Variants in KHDC1 observed in about 807,000 individuals in gnomAD.
KHDC1 encodes KH domain containing 1, also known as KH homology domain-containing protein 1.
A neutral mutation model predicts 24.7 loss-of-function variants in KHDC1; 21 were observed. The ratio of observed to expected loss-of-function variants is 0.85; its 90% CI spans 0.60 to 1.23. KHDC1 has a LOEUF of 1.23. Among genes scored for constraint, KHDC1 ranks in the 50% most tolerant of loss-of-function variants. The pLI is 0.00. For missense variants in KHDC1, 274 were observed against 298.5 expected, an observed-to-expected ratio of 0.92 and a Z score of 0.61; for synonymous variants, 98 against 111.7, an observed-to-expected ratio of 0.88 and a Z score of 0.77.
intron 1 of KHDC1, among the ~76,000 whole-genome samples, chr6:73,296,843 TCA>T (rs1767768198): frequency 6.6e-6 from 1 of 152,140 alleles, no homozygotes; most frequent in Non-Finnish European, 1.5e-5. Context: ...TCAACCTCTC[TCA>T]GTTAATTATA....
intron 2 of KHDC1, among the ~76,000 whole-genome samples, chr6:73,282,635 C>T (rs1283686748): frequency 6.6e-6 from 1 of 152,198 alleles, no homozygotes; most frequent in Admixed American, 6.6e-5. Context: ...CCTCCCTAAA[C>T]TGCTCTTAAG....
intron 1 of KHDC1, among the ~76,000 whole-genome samples, chr6:73,297,782 C>T (rs951504859): frequency 5.9e-5 from 9 of 152,116 alleles, no homozygotes; most frequent in African/African-American, 2.2e-4. Flanking sequence ...GCCAGAATTC[C>T]TACAGCAGAA....
chr6:73,297,981 G>A (rs10455274), intron 1 of KHDC1, among the ~76,000 whole-genome samples: 35,638 of 151,830 alleles, frequency 0.23, 4,888 homozygotes, highest in African/African-American at 0.37. Context: ...ACATGACTCC[G>A]GGAGTTTGAG....
At chr6:73,252,014 G>A (rs541244392) in intron 2 of KHDC1, among the ~76,000 whole-genome samples, 3 of 150,674 alleles carry the variant, frequency 2.0e-5, no homozygotes, top group African/African-American at 7.3e-5. Flanking sequence ...TGAGCCACAG[G>A]GCCCAGGCCT....
intron 2 of KHDC1, among the ~76,000 whole-genome samples, chr6:73,255,904 C>CAAAA (rs1205326198): frequency 1.6e-4 from 8 of 49,388 alleles, no homozygotes; most frequent in African/African-American, 2.1e-4. Context: ...CCTGTCTCAA[C>CAAAA]AAAAAAAAAA....
intron 2 of KHDC1, among the ~76,000 whole-genome samples, chr6:73,276,695 A>G (rs917019901): frequency 2.0e-5 from 3 of 152,082 alleles, no homozygotes; most frequent in Non-Finnish European, 2.9e-5. Flanking sequence ...ACTGTGATCC[A>G]CACCTCAGTG....
chr6:73,250,231 T>C (rs987589449), intron 2 of KHDC1, among the ~76,000 whole-genome samples: 1 of 152,188 alleles, frequency 6.6e-6, no homozygotes, highest in African/African-American at 2.4e-5. Context: ...GGACACTAAC[T>C]CCTAACATCA....
intron 2 of KHDC1, among the ~76,000 whole-genome samples, chr6:73,281,856 A>G (rs62438240): frequency 0.091 from 13,838 of 152,034 alleles, 669 homozygotes; most frequent in Non-Finnish European, 0.1. Flanking sequence ...GCTGTGGTAG[A>G]TTCTCAGACT....
intron 2 of KHDC1, among the ~76,000 whole-genome samples, chr6:73,261,805 G>A (rs1000687046): frequency 6.6e-6 from 1 of 151,858 alleles, no homozygotes; most frequent in African/African-American, 2.4e-5. Context: ...CCAGCTACTC[G>A]GGAGGCTGAG....
chr6:73,283,965 C>CA (rs1469459305), intron 2 of KHDC1, among the ~76,000 whole-genome samples: 2 of 152,106 alleles, frequency 1.3e-5, no homozygotes, highest in African/African-American at 4.8e-5. Flanking sequence ...AAGATTATGA[C>CA]ACCGAGAGAA....
intron 2 of KHDC1, among the ~76,000 whole-genome samples, chr6:73,255,552 A>C (rs1766865996): frequency 6.7e-6 from 1 of 149,970 alleles, no homozygotes; most frequent in Non-Finnish European, 1.5e-5. Context: ...AGTTTCCTCA[A>C]GAAAATGCTT....
intron 2 of KHDC1, among the ~76,000 whole-genome samples, chr6:73,272,484 C>T (rs970654335): frequency 2.0e-5 from 3 of 151,856 alleles, no homozygotes; most frequent in Admixed American, 2.0e-4. Flanking sequence ...AAGGAAAAAG[C>T]CAGGTAGAAG....
rs530576755 is a variant in KHDC1 at position 73,280,243 on chromosome 6, A to G, written c.206+11755T>C. 2.0e-5 allele frequency among the ~76,000 whole-genome samples: 3 copies of G among 152,206 alleles called. No homozygotes were observed. The South Asian group carries it at 6.2e-4, about 32-fold the overall frequency. On this transcript the variant is annotated intron_variant, in intron 2 of 4. Coordinates refer to ENST00000370384, the Ensembl canonical transcript of KHDC1. ...ACAATCACAACTCACTACAGCCTCT[A>G]CCTACCCATGCTCAGGTGATCCTCC...
chr6:73,271,995 T>TAAAA (rs1767187750), intron 2 of KHDC1, among the ~76,000 whole-genome samples: 6 of 146,428 alleles, frequency 4.1e-5, no homozygotes, highest in African/African-American at 1.5e-4. Flanking sequence ...CTTTATAGTG[T>TAAAA]AATCCCATTT....
intron 2 of KHDC1, among the ~76,000 whole-genome samples, chr6:73,273,898 C>T (rs1366611132): frequency 6.6e-6 from 1 of 152,176 alleles, no homozygotes; most frequent in Non-Finnish European, 1.5e-5. Context: ...GTGGGAGGAT[C>T]ACTTGAAGCC....
chr6:73,242,058 G>A lies in KHDC1; in HGVS notation c.511C>T (p.Arg171Ter), dbSNP rs768333060. The A allele has an allele frequency of 2.3e-5, 37 of 1,610,666 alleles. No individual in the cohort carries two copies. Among genetic ancestry groups the A allele is most frequent in the East Asian group, 6.7e-5 (3 of 44,854 alleles). Residue 171 changes from arginine (R) to a stop codon, truncating the protein, a stop_gained, in exon 4 of 5, where the codon CGA becomes TGA. Coordinates refer to ENST00000370384, the Ensembl canonical transcript of KHDC1. LOFTEE classifies it low-confidence loss of function (END_TRUNC). ...CAGTTCAGCCAAGGATACCTACCTC[G>A]AGCATGATGATAGGAGTCCTGGCTC...
At chr6:73,304,038 G>A (rs1008223990) in intron 1 of KHDC1, among the ~76,000 whole-genome samples, 2 of 152,056 alleles carry the variant, frequency 1.3e-5, no homozygotes, top group African/African-American at 2.4e-5. Flanking sequence ...ACTTAGCCAG[G>A]CGTGGTGGCA....
At chr6:73,260,613 A>G (rs1331600933) in intron 2 of KHDC1, among the ~76,000 whole-genome samples, 1 of 152,226 alleles carries the variant, frequency 6.6e-6, no homozygotes, top group African/African-American at 2.4e-5. Context: ...ATATTACTTC[A>G]AAGATTAATT....
At position 73,265,784 on chromosome 6, in the gene KHDC1, T is replaced by TGAAGTG. The variant is rs560577700; in HGVS notation, c.207-23260_207-23255dup. On this transcript the variant is annotated intron_variant, in intron 2 of 4. Transcript: ENST00000370384. ...TCTGAAATGAAAGAAACTTTCTTGG[T>TGAAGTG]GAAGTGGAAGTGGAAGTTTTGGTTG... 7.2e-3 allele frequency among the ~76,000 whole-genome samples: 1,096 copies of TGAAGTG among 152,208 alleles called. 5 individuals are homozygous for TGAAGTG. The highest frequency in any genetic ancestry group is 0.013 in the Non-Finnish European group (864 of 68,008).
Sources: allele counts gnomAD v4.1 joint callset (sites outside exome capture counted in the v4.1 genomes callset), GRCh38; gene constraint gnomAD v4.1.1; transcripts MANE v1.5; gene names NCBI Gene and HGNC (gene_info 2026-07-23, HGNC 2026-07-21).